ACADM: variants seen among roughly 807,000 people sequenced by gnomAD.
The protein encoded by ACADM is acyl-CoA dehydrogenase medium chain.
ACADM carries 49 observed loss-of-function variants against 58.9 expected under a neutral mutation model. That is an observed-to-expected ratio of 0.83 (90% CI 0.66 to 1.06). The LOEUF (loss-of-function observed/expected upper bound fraction) is 1.06, where lower values mean the gene tolerates loss of function less well. Ranked by LOEUF, ACADM falls within the 50% of genes least tolerant of loss-of-function variation. ACADM has a pLI of 0.00. For missense variants in ACADM, 496 were observed against 507.0 expected, an observed-to-expected ratio of 0.98 and a Z score of 0.21; for synonymous variants, 160 against 157.7, an observed-to-expected ratio of 1.01 and a Z score of -0.11.
intron 6 of ACADM, 92 bp from the exon 7 acceptor site, chr1:75,739,888 A>G (rs889857535): frequency 2.2e-6 from 2 of 902,970 alleles, no homozygotes; most frequent in Non-Finnish European, 3.2e-6. Context: ...TATTTAAAAT[A>G]CAGCTTAAAA....
At position 75,740,090 on chromosome 1, in the gene ACADM, C is replaced by T. The variant is rs534575785; in HGVS notation, c.579C>T (p.Thr193=). The T allele has an allele frequency of 5.0e-5, 81 of 1,611,958 alleles. 1 individual carries two copies. In the South Asian group the frequency reaches 7.4e-4, roughly 15 times the overall value. The part of the protein sequence containing the change: ...YIINGQKMWI[T]NGGKANWYFL... Reference sequence around the variant, plus strand: ...TTAATGGTCAGAAGATGTGGATAACCAACGGAGGAAAAGCTAATTGGTATG... The same window carrying T: ...TTAATGGTCAGAAGATGTGGATAACTAACGGAGGAAAAGCTAATTGGTATG... Residue 193 remains threonine, a synonymous_variant, in exon 7 of 12, where the codon ACC becomes ACT. Transcript: ENST00000370841.
In ACADM at chr1:75,724,826, G is replaced by C. The variant is rs770961707; in HGVS notation, c.30+9G>C. 3 of 1,483,066 alleles carry C rather than the reference G, an allele frequency of 2.0e-6. No homozygotes were observed. The Admixed American group carries it at 6.9e-5, about 34-fold the overall frequency. The allele number at this position is 1,483,066 out of a possible 1,614,324, so 91.9% of individuals were successfully genotyped here. A position where few individuals can be genotyped will look rare whatever the true frequency, so the allele number is the denominator to read the frequency against. On this transcript the variant is annotated intron_variant, in intron 1 of 11. Coordinates refer to ENST00000370841, the MANE Select transcript of ACADM (RefSeq NM_000016.6). The stretch of plus-strand genomic sequence containing the variant: ...TCGGGCGATGCTGCAGGGTGAGAGG[G>C]AGCCCAGCGGTGCGGTGGGGCTGGA...
chr1:75,755,952 A>G (rs991972064), intron 10 of ACADM, among the ~76,000 whole-genome samples: 3 of 152,270 alleles, frequency 2.0e-5, no homozygotes, highest in Admixed American at 1.3e-4. Context: ...CATCACATAC[A>G]GAACCAACGA....
intron 2 of ACADM, among the ~76,000 whole-genome samples, chr1:75,728,953 A>AT (rs999922347): frequency 6.6e-6 from 1 of 151,974 alleles, no homozygotes; most frequent in Non-Finnish European, 1.5e-5. Context: ...GGGAGCCATG[A>AT]TTTTTTTTCC....
Position 75,728,397 on chromosome 1 carries a change from A to C in ACADM, c.31-4A>C. On this transcript the variant is annotated splice_polypyrimidine_tract_variant and splice_region_variant and intron_variant, in intron 1 of 11. Transcript: ENST00000370841. ...ATTTATTTTAATAAAAGTGTTCTTT[A>C]CAGGTCCTGAGAAGTATTTCTCGTT... is the stretch of plus-strand genomic sequence containing the variant. The C allele has an allele frequency of 6.2e-7, 1 of 1,609,826 alleles. No homozygotes were observed. Among genetic ancestry groups the C allele is most frequent in the Non-Finnish European group, 8.5e-7 (1 of 1,177,012 alleles).
chr1:75,734,330 ATTTTTTT>A (rs35823639), intron 5 of ACADM, among the ~76,000 whole-genome samples: 1 of 133,376 alleles, frequency 7.5e-6, no homozygotes, highest in East Asian at 2.2e-4. Flanking sequence ...TGCCCGGCTA[ATTTTTTT>A]TTTTTTTTTT....
intron 6 of ACADM, among the ~76,000 whole-genome samples, chr1:75,736,478 C>G (rs1647269446): frequency 6.6e-6 from 1 of 152,104 alleles, no homozygotes; most frequent in Non-Finnish European, 1.5e-5. Context: ...GAGAGGTTAG[C>G]TAAACATTCT....
In ACADM at chr1:75,763,366, T is replaced by A. The variant is rs1257776580; in HGVS notation, c.*603T>A. 1.3e-5 allele frequency: 2 copies of A among 152,252 alleles called. No homozygotes were observed. The highest frequency in any genetic ancestry group is 4.8e-5 in the African/African-American group (2 of 41,462). The allele number at this position is 152,252 out of a possible 1,614,324, so 9.4% of individuals were successfully genotyped here. A position where few individuals can be genotyped will look rare whatever the true frequency, so the allele number is the denominator to read the frequency against. ...ACTTACCTTATTTAAAATAAATCAATAAAGCTTGCCTTAAATTATTTTTAT... is the reference window on the plus strand; with the variant it reads ...ACTTACCTTATTTAAAATAAATCAAAAAAGCTTGCCTTAAATTATTTTTAT... On this transcript the variant is annotated 3_prime_UTR_variant, in exon 12 of 12. Transcript: ENST00000370841.
At position 75,724,809 on chromosome 1, in the gene ACADM, T is replaced by C. The variant is rs746244899; in HGVS notation, c.22T>C (p.Cys8Arg). The C allele has an allele frequency of 1.8e-5, 28 of 1,513,548 alleles. No individual in the cohort carries two copies. The highest frequency in any genetic ancestry group is 2.4e-5 in the Non-Finnish European group (27 of 1,127,764). The allele number at this position is 1,513,548 out of a possible 1,614,324, so 93.8% of individuals were successfully genotyped here. A position where few individuals can be genotyped will look rare whatever the true frequency, so the allele number is the denominator to read the frequency against. MAAGFGR[C>R]CRVLRSISRF... ...CAACATGGCAGCGGGGTTCGGGCGA[T>C]GCTGCAGGGTGAGAGGGAGCCCAGC... Residue 8 changes from cysteine (C) to arginine (R), a missense_variant, in exon 1 of 12, where the codon TGC becomes CGC. Physicochemically the swap from Cys to Arg is radical, Grantham distance 180 (BLOSUM62 -3). Transcript: ENST00000370841.
chr1:75,735,807 A>C (rs978840501), intron 6 of ACADM, among the ~76,000 whole-genome samples: 3 of 148,760 alleles, frequency 2.0e-5, no homozygotes, highest in East Asian at 4.0e-4. Context: ...GCGGCACTGC[A>C]CTCCAGCCTG....
chr1:75,730,012 A>G (rs547938502), intron 2 of ACADM, among the ~76,000 whole-genome samples: 8 of 147,554 alleles, frequency 5.4e-5, no homozygotes, highest in Non-Finnish European at 1.0e-4. Flanking sequence ...CTCCTGCCTC[A>G]GCCACCCAAG....
At position 75,737,279 on chromosome 1, in the gene ACADM, AATATATATATAT is replaced by A. The variant is rs368688785; in HGVS notation, c.468+2445_468+2456del. Among the ~76,000 whole-genome samples the A allele has an allele frequency of 7.7e-3, 334 of 43,124 alleles. 3 individuals are homozygous for A. The highest frequency in any genetic ancestry group is 0.011 in the South Asian group (8 of 696). 28.3% of individuals were successfully genotyped at this position (43,124 alleles called of 152,430 possible). On this transcript the variant is annotated intron_variant, in intron 6 of 11. Coordinates refer to ENST00000370841, the MANE Select transcript of ACADM (RefSeq NM_000016.6). ...GAGACTGCCACCACACACACACACA[AATATATATATAT>A]ATATATATATATATATATATATATA...
Position 75,724,751 on chromosome 1 carries a change from G to T in ACADM, c.-37G>T. ...GGGGAGTATGTCAAGGCCGTGACCC[G>T]TGTATTATTGTCCGAGTGGCCGGAA... On this transcript the variant is annotated 5_prime_UTR_variant, in exon 1 of 12. Coordinates refer to ENST00000370841, the MANE Select transcript of ACADM (RefSeq NM_000016.6). 6.5e-7 allele frequency: 1 copy of T among 1,537,148 alleles called. No individual in the cohort carries two copies. Among genetic ancestry groups the T allele is most frequent in the South Asian group, 1.2e-5 (1 of 82,096 alleles).
chr1:75,733,380 T>G, intron 4 of ACADM, 148 bp from the exon 5 acceptor site: 1 of 981,380 alleles, frequency 1.0e-6, no homozygotes, highest in Middle Eastern at 2.5e-4. Context: ...TTTCTTATTG[T>G]GCCAGCCAGA....
At chr1:75,750,589 C>T (rs566187462) in intron 10 of ACADM, 43 bp downstream of exon 10, 2 of 1,230,992 alleles carry the variant, frequency 1.6e-6, no homozygotes, top group South Asian at 1.2e-5. Flanking sequence ...TAAAGACACT[C>T]ATTTTCATTT....
At chr1:75,734,913 G>A (rs866816157) in intron 6 of ACADM, 42 bp downstream of exon 6, 1 of 1,450,900 alleles carries the variant, frequency 6.9e-7, no homozygotes, top group Non-Finnish European at 9.7e-7. Flanking sequence ...ACTTAAGAAG[G>A]GAACAAAGGT....
chr1:75,726,952 G>A (rs573387811), intron 1 of ACADM, among the ~76,000 whole-genome samples: 3 of 151,742 alleles, frequency 2.0e-5, no homozygotes, highest in Non-Finnish European at 2.9e-5. Context: ...CTACAGGTGC[G>A]TGCCACCACA....
chr1:75,737,324 ATAT>A (rs1256771074), intron 6 of ACADM, among the ~76,000 whole-genome samples: 5 of 125,064 alleles, frequency 4.0e-5, no homozygotes, highest in South Asian at 5.6e-4. Context: ...ATATATATAT[ATAT>A]GAAACCAAAA....
chr1:75,743,581 A>G, intron 7 of ACADM: 1 of 1,583,590 alleles, frequency 6.3e-7, no homozygotes, highest in South Asian at 1.1e-5. Context: ...TGGCTTGTCA[A>G]AGATGCCATG....
Sources: allele counts gnomAD v4.1 joint callset (sites outside exome capture counted in the v4.1 genomes callset), GRCh38; gene constraint gnomAD v4.1.1; transcripts MANE v1.5; gene names NCBI Gene and HGNC (gene_info 2026-07-23, HGNC 2026-07-21).